KCNQ5: variants seen among roughly 807,000 people sequenced by gnomAD.
KCNQ5 encodes the protein potassium voltage-gated channel subfamily Q member 5, also known as potassium voltage-gated channel subfamily KQT member 5.
KCNQ5 carries 30 observed loss-of-function variants against 98.2 expected under a neutral mutation model. That is an observed-to-expected ratio of 0.31 (90% confidence interval 0.23 to 0.41). The LOEUF is 0.41. Ranked by LOEUF, KCNQ5 falls within the 10% of genes least tolerant of loss-of-function variation. KCNQ5 has a pLI of 1.00. For synonymous variants in KCNQ5, 458 were observed against 449.4 expected (o/e 1.02, Z -0.24); for missense variants, 835 against 1,182.5 (o/e 0.71, Z 4.31).
At chr6:72,983,539 T>G (rs1768580273) in intron 1 of KCNQ5, among the ~76,000 whole-genome samples, 1 of 152,212 alleles carries the variant, frequency 6.6e-6, no homozygotes, top group Admixed American at 6.5e-5. Flanking sequence ...TTTAAGGTCT[T>G]CTCTACACTG....
chr6:72,940,268 GAATCATTATGCATTATT>G (rs1315732094), intron 1 of KCNQ5, among the ~76,000 whole-genome samples: 2 of 152,192 alleles, frequency 1.3e-5, no homozygotes, highest in African/African-American at 4.8e-5. Flanking sequence ...AAAGGAAACT[GAATCATTATGCATTATT>G]ATCATTATGC....
At chr6:73,158,258 T>TTTTTTTGTTG (rs1554216882) in intron 10 of KCNQ5, 4,222 of 24,228 alleles carry the variant, frequency 0.17, 150 homozygotes, top group Middle Eastern at 0.28. Context: ...TGGAAGATTT[T>TTTTTTTGTTG]TTTTTTTTTT....
At chr6:73,039,966 G>T (rs1224426727) in intron 2 of KCNQ5, among the ~76,000 whole-genome samples, 1 of 151,856 alleles carries the variant, frequency 6.6e-6, no homozygotes, top group East Asian at 1.9e-4. Flanking sequence ...TTTCCTTTCA[G>T]CCCTATTGGT....
intron 2 of KCNQ5, among the ~76,000 whole-genome samples, chr6:73,038,048 C>A (rs566613039): frequency 5.1e-4 from 78 of 151,928 alleles, no homozygotes; most frequent in Non-Finnish European, 5.3e-4. Context: ...TTTCTGATTT[C>A]TTTTATCTGC....
intron 1 of KCNQ5, among the ~76,000 whole-genome samples, chr6:72,673,820 A>G (rs1263335208): frequency 6.6e-6 from 1 of 152,174 alleles, no homozygotes; most frequent in African/African-American, 2.4e-5. Context: ...CCATTACTTG[A>G]GAGGGTCACC....
At chr6:73,114,850 C>T (rs973390523) in intron 7 of KCNQ5, among the ~76,000 whole-genome samples, 1 of 152,062 alleles carries the variant, frequency 6.6e-6, no homozygotes, top group African/African-American at 2.4e-5. Context: ...GCTTTGATGC[C>T]AACTGACCCA....
intron 1 of KCNQ5, among the ~76,000 whole-genome samples, chr6:72,643,567 A>G (rs1297124765): frequency 6.6e-6 from 1 of 152,158 alleles, no homozygotes; most frequent in Non-Finnish European, 1.5e-5. Context: ...CTCAAAGGAA[A>G]TGCTCATCGG....
At chr6:72,761,157 A>G (rs1413692112) in intron 1 of KCNQ5, among the ~76,000 whole-genome samples, 2 of 152,162 alleles carry the variant, frequency 1.3e-5, no homozygotes, top group Non-Finnish European at 2.9e-5. Flanking sequence ...TTCAGCTGGA[A>G]GATTAAAATT....
chr6:72,919,207 G>A (rs144569245), intron 1 of KCNQ5, among the ~76,000 whole-genome samples: 1 of 152,278 alleles, frequency 6.6e-6, no homozygotes, highest in Non-Finnish European at 1.5e-5. Flanking sequence ...CTGAAGCCAA[G>A]GAAAGATGGG....
At chr6:72,827,351 A>T (rs1776052206) in intron 1 of KCNQ5, among the ~76,000 whole-genome samples, 2 of 152,016 alleles carry the variant, frequency 1.3e-5, no homozygotes, top group South Asian at 4.1e-4. Context: ...AAGAGGTATA[A>T]TATACAGTTC....
intron 1 of KCNQ5, among the ~76,000 whole-genome samples, chr6:72,854,681 G>A (rs1467357692): frequency 6.8e-6 from 1 of 147,640 alleles, no homozygotes; most frequent in Non-Finnish European, 1.5e-5. Flanking sequence ...ATATCTAAAT[G>A]ACTTGTTAAG....
At chr6:72,656,121 C>T (rs1476448320) in intron 1 of KCNQ5, among the ~76,000 whole-genome samples, 8 of 152,150 alleles carry the variant, frequency 5.3e-5, no homozygotes, top group Admixed American at 2.6e-4. Context: ...ATGGTGTCTT[C>T]TCTTCTTTAC....
At chr6:73,012,668 C>A (rs569450001) in intron 2 of KCNQ5, among the ~76,000 whole-genome samples, 3 of 151,854 alleles carry the variant, frequency 2.0e-5, no homozygotes, top group African/African-American at 7.3e-5. Context: ...TGAGAAAAAT[C>A]TTTTAAAAGA....
chr6:73,104,680 A>G (rs1445221154), intron 5 of KCNQ5, among the ~76,000 whole-genome samples: 1 of 152,184 alleles, frequency 6.6e-6, no homozygotes, highest in Non-Finnish European at 1.5e-5. Flanking sequence ...TATAATAACT[A>G]ATCTCTTCCT....
At chr6:73,032,131 CAT>C (rs1443984363) in intron 2 of KCNQ5, among the ~76,000 whole-genome samples, 2 of 152,172 alleles carry the variant, frequency 1.3e-5, no homozygotes, top group African/African-American at 4.8e-5. Context: ...ACTTGGCTGA[CAT>C]GTACTAATTT....
intron 10 of KCNQ5, among the ~76,000 whole-genome samples, chr6:73,153,998 T>TTAAC (rs3068404): frequency 0.75 from 113,260 of 151,624 alleles, 43,164 homozygotes; most frequent in East Asian, 0.89. Flanking sequence ...AATTAGCTCT[T>TTAAC]TAGAATATTG....
At chr6:73,120,439 G>T (rs369127759) in intron 7 of KCNQ5, 44 bp from the exon 8 acceptor site, 9 of 1,324,478 alleles carry the variant, frequency 6.8e-6, no homozygotes, top group Non-Finnish European at 8.6e-6. Flanking sequence ...TCTAAATCCT[G>T]CTCTCTTTTT....
At chr6:73,023,828 A>G (rs561988162) in intron 2 of KCNQ5, among the ~76,000 whole-genome samples, 3 of 152,304 alleles carry the variant, frequency 2.0e-5, no homozygotes, top group South Asian at 4.1e-4. Context: ...ACTTATTGAT[A>G]TTAATTATTT....
chr6:72,685,898 G>A (rs145207481), intron 1 of KCNQ5, among the ~76,000 whole-genome samples: 1 of 152,274 alleles, frequency 6.6e-6, no homozygotes, highest in Non-Finnish European at 1.5e-5. Flanking sequence ...TCTAGAGCAG[G>A]AAAGTCCTAG....
Sources: gnomAD v4.1 joint callset for allele counts (sites outside exome capture counted in the v4.1 genomes callset) on GRCh38, gnomAD v4.1.1 for gene constraint, MANE v1.5 for transcripts, NCBI Gene and HGNC (gene_info 2026-07-23, HGNC 2026-07-21) for gene names.